The following CYYR1 variants were observed in gnomAD, a reference collection of about 807,000 sequenced individuals.
CYYR1 encodes cysteine and tyrosine rich 1.
CYYR1 carries 14 observed loss-of-function variants against 15.2 expected under a neutral mutation model. That is an observed-to-expected ratio of 0.92 (90% CI 0.61 to 1.44). The LOEUF is 1.44. Ranked by LOEUF, CYYR1 falls within the 40% of genes most tolerant of loss-of-function variation. The pLI is 0.00. For synonymous variants in CYYR1, 80 were observed against 77.4 expected (o/e 1.03, Z -0.18); for missense variants, 228 against 209.5 (o/e 1.09, Z -0.54).
chr21:26,506,278 C>G (rs981558934), intron 2 of CYYR1, among the ~76,000 whole-genome samples: 21 of 152,332 alleles, frequency 1.4e-4, no homozygotes, highest in African/African-American at 4.6e-4. Flanking sequence ...AGCCTACAGT[C>G]ATGCTCCCAT....
At chr21:26,471,772 A>G (rs1030761130) in intron 3 of CYYR1, 50 of 152,306 alleles carry the variant, frequency 3.3e-4, no homozygotes, top group Non-Finnish European at 7.4e-5. Context: ...GTGAAATCAT[A>G]CTTAAAAGTT....
intron 3 of CYYR1, among the ~76,000 whole-genome samples, chr21:26,470,196 TA>T (rs1201178540): frequency 2.6e-5 from 4 of 152,170 alleles, no homozygotes; most frequent in Non-Finnish European, 4.4e-5. Context: ...GATGCAAAAG[TA>T]ATTGCAGTTT....
chr21:26,534,173 G>T (rs190004095), intron 2 of CYYR1, among the ~76,000 whole-genome samples: 5 of 152,238 alleles, frequency 3.3e-5, no homozygotes, highest in Admixed American at 2.0e-4. Context: ...TACCTGTCCA[G>T]TTTCTCAATT....
At position 26,480,324 on chromosome 21, in the gene CYYR1, G is replaced by A; in HGVS notation, c.282C>T (p.Thr94=). Residue 94 remains threonine, a synonymous_variant, in exon 3 of 4, where the codon ACC becomes ACT. Transcript: ENST00000652641. ...ICMCMKNHRA[T]RVGILRTTHI... The stretch of plus-strand genomic sequence containing the variant: ...GAGTCGTCCTGAGGATGCCCACGCG[G>A]GTCGCCCTGTGGTTCTTCATGCACA... The A allele has an allele frequency of 6.2e-7, 1 of 1,613,470 alleles. No homozygotes were observed. The highest frequency in any genetic ancestry group is 8.5e-7 in the Non-Finnish European group (1 of 1,179,676).
intron 2 of CYYR1, among the ~76,000 whole-genome samples, chr21:26,481,505 A>G (rs2065179291): frequency 6.6e-6 from 1 of 152,098 alleles, no homozygotes. Context: ...GTATTCATTC[A>G]ATTAATTAGT....
chr21:26,504,707 A>T (rs1378542760), intron 2 of CYYR1, among the ~76,000 whole-genome samples: 1 of 152,190 alleles, frequency 6.6e-6, no homozygotes, highest in Admixed American at 6.5e-5. Context: ...TTAAGTTATT[A>T]TTGACTATAG....
At chr21:26,565,698 G>A (rs988211777) in intron 2 of CYYR1, among the ~76,000 whole-genome samples, 5 of 152,094 alleles carry the variant, frequency 3.3e-5, no homozygotes, top group Non-Finnish European at 7.4e-5. Context: ...TTGTGTTTTT[G>A]TGCCTTGTTG....
rs76133211 is a variant in CYYR1, at chr21:26,543,961, G to C, written c.176+22305C>G. Among the ~76,000 whole-genome samples, 20 of 152,088 alleles carry C rather than the reference G, an allele frequency of 1.3e-4. No homozygotes were observed. The East Asian group carries it at 3.9e-3, about 29-fold the overall frequency. Reference sequence around the variant, plus strand: ...ATAAAATAAATGGTCACACATAGCTGCAAGGAGGGCTGGGATTGTAGTGCT... The same window carrying C: ...ATAAAATAAATGGTCACACATAGCTCCAAGGAGGGCTGGGATTGTAGTGCT... On this transcript the variant is annotated intron_variant, in intron 2 of 3. Transcript: ENST00000652641.
At chr21:26,565,604 C>G (rs895885389) in intron 2 of CYYR1, among the ~76,000 whole-genome samples, 1 of 152,178 alleles carries the variant, frequency 6.6e-6, no homozygotes. Context: ...TTCCATATTT[C>G]CCTTTGTCCA....
At chr21:26,560,764 G>A (rs1020169634) in intron 2 of CYYR1, among the ~76,000 whole-genome samples, 10 of 152,090 alleles carry the variant, frequency 6.6e-5, no homozygotes, top group Admixed American at 3.3e-4. Flanking sequence ...TGCATTTTGT[G>A]CTTCCAGTGG....
chr21:26,557,683 A>G (rs1277610034), intron 2 of CYYR1, among the ~76,000 whole-genome samples: 2 of 152,060 alleles, frequency 1.3e-5, no homozygotes, highest in Admixed American at 6.6e-5. Flanking sequence ...AGAAAATCTC[A>G]TTCATTCCCA....
intron 2 of CYYR1, among the ~76,000 whole-genome samples, chr21:26,494,980 G>A (rs2065376105): frequency 6.6e-6 from 1 of 152,142 alleles, no homozygotes; most frequent in South Asian, 2.1e-4. Flanking sequence ...TGTCCCAGAA[G>A]TCAGAGAAAC....
intron 2 of CYYR1, among the ~76,000 whole-genome samples, chr21:26,543,682 G>A (rs375852157): frequency 9.9e-5 from 15 of 152,230 alleles, no homozygotes; most frequent in African/African-American, 3.6e-4. Context: ...GAGGCGGGTG[G>A]ATCACCTGAG....
At chr21:26,493,261 T>C (rs952744832) in intron 2 of CYYR1, among the ~76,000 whole-genome samples, 3 of 151,906 alleles carry the variant, frequency 2.0e-5, no homozygotes, top group Non-Finnish European at 2.9e-5. Flanking sequence ...TTTATTGGAG[T>C]TCATGGGAAA....
intron 2 of CYYR1, among the ~76,000 whole-genome samples, chr21:26,481,009 T>C (rs2065173116): frequency 6.6e-6 from 1 of 152,110 alleles, no homozygotes; most frequent in Non-Finnish European, 1.5e-5. Flanking sequence ...AGGAAGAACA[T>C]AAATAAAACT....
chr21:26,475,879 G>T (rs906599820), intron 3 of CYYR1, among the ~76,000 whole-genome samples: 17 of 152,212 alleles, frequency 1.1e-4, no homozygotes, highest in African/African-American at 4.1e-4. Flanking sequence ...CAAGGTGAAG[G>T]CATCTTCATA....
chr21:26,532,629 T>C (rs903944299), intron 2 of CYYR1, among the ~76,000 whole-genome samples: 1 of 152,230 alleles, frequency 6.6e-6, no homozygotes, highest in Admixed American at 6.5e-5. Flanking sequence ...TAGCAGCTGA[T>C]ACAGGTATTC....
chr21:26,522,302 C>A (rs1377403962), intron 2 of CYYR1, among the ~76,000 whole-genome samples: 6 of 152,098 alleles, frequency 3.9e-5, no homozygotes, highest in African/African-American at 1.2e-4. Flanking sequence ...AAATTATTCG[C>A]AAAGTTGTGA....
At chr21:26,520,952 C>T (rs1432320390) in intron 2 of CYYR1, among the ~76,000 whole-genome samples, 4 of 152,118 alleles carry the variant, frequency 2.6e-5, no homozygotes, top group South Asian at 2.1e-4. Context: ...AAACACTGCG[C>T]GTTCTCACTT....
Sources: allele counts gnomAD v4.1 joint callset (sites outside exome capture counted in the v4.1 genomes callset), GRCh38; gene constraint gnomAD v4.1.1; transcripts MANE v1.5; gene names NCBI Gene and HGNC (gene_info 2026-07-23, HGNC 2026-07-21).